The following RCAN2 variants were observed in gnomAD, a reference collection of about 807,000 sequenced individuals.
RCAN2 encodes the protein regulator of calcineurin 2.
In RCAN2, 9 loss-of-function variants were observed where a neutral mutation model predicts 23.6. That is an observed-to-expected ratio of 0.38 (90% CI 0.23 to 0.67). The LOEUF is 0.67. RCAN2 is among the 30% of genes least tolerant of loss of function. RCAN2 has a pLI of 0.51. For synonymous variants in RCAN2, 109 were observed against 115.7 expected (o/e 0.94, Z 0.37); for missense variants, 273 against 302.3 (o/e 0.90, Z 0.72).
intron 2 of RCAN2, among the ~76,000 whole-genome samples, chr6:46,278,097 C>T (rs1362535899): frequency 6.6e-6 from 1 of 152,096 alleles, no homozygotes; most frequent in African/African-American, 2.4e-5. Context: ...ACCTCTTGCC[C>T]ATTTCTATCC....
rs868244236 is a variant in RCAN2, at chr6:46,398,764, C to A, written c.225+57988G>T. On this transcript the variant is annotated intron_variant, in intron 2 of 4. Coordinates refer to ENST00000371374, the MANE Select transcript of RCAN2 (RefSeq NM_001251974.2). ...TGCCAAACTCGAAAGAACTTGCCCT[C>A]AGCTCTCAGTACCCAGGCCACAATG... Among the ~76,000 whole-genome samples the A allele has an allele frequency of 1.4e-4, 21 of 152,230 alleles. No homozygotes were observed. In the South Asian group the frequency reaches 3.9e-3, roughly 29 times the overall value.
At chr6:46,245,215 C>T (rs1766472324) in intron 4 of RCAN2, among the ~76,000 whole-genome samples, 1 of 152,124 alleles carries the variant, frequency 6.6e-6, no homozygotes, top group South Asian at 2.1e-4. Flanking sequence ...AAACTTATGG[C>T]CATTTTAAAG....
intron 4 of RCAN2, among the ~76,000 whole-genome samples, chr6:46,246,500 C>T (rs1335246933): frequency 6.6e-6 from 1 of 152,154 alleles, no homozygotes; most frequent in African/African-American, 2.4e-5. Context: ...AAAATATCTG[C>T]ATTGCAATCC....
chr6:46,245,242 T>G (rs1766473384), intron 4 of RCAN2, among the ~76,000 whole-genome samples: 1 of 152,186 alleles, frequency 6.6e-6, no homozygotes, highest in Non-Finnish European at 1.5e-5. Context: ...AGAAGCTGAG[T>G]GATGTGATGG....
chr6:46,418,199 G>A (rs1766766007), intron 2 of RCAN2, among the ~76,000 whole-genome samples: 1 of 152,050 alleles, frequency 6.6e-6, no homozygotes, highest in South Asian at 2.1e-4. Flanking sequence ...TAAGGTCAGA[G>A]ACAAACAACC....
At chr6:46,363,213 A>ATGTT (rs1273927885) in intron 2 of RCAN2, among the ~76,000 whole-genome samples, 4 of 152,152 alleles carry the variant, frequency 2.6e-5, no homozygotes, top group African/African-American at 9.7e-5. Flanking sequence ...ATTGAAGAAC[A>ATGTT]CTACATGTCT....
At chr6:46,490,923 G>C (rs1181825800) in intron 1 of RCAN2, among the ~76,000 whole-genome samples, 1 of 151,906 alleles carries the variant, frequency 6.6e-6, no homozygotes, top group Non-Finnish European at 1.5e-5. Context: ...CCTAGAGGGG[G>C]GTCGCGGGAG....
chr6:46,346,235 G>A (rs984936297), intron 2 of RCAN2, among the ~76,000 whole-genome samples: 1 of 152,096 alleles, frequency 6.6e-6, no homozygotes, highest in Non-Finnish European at 1.5e-5. Context: ...GTAAAGCAGT[G>A]CTCAGAGGGA....
intron 2 of RCAN2, among the ~76,000 whole-genome samples, chr6:46,439,133 T>C (rs1469859854): frequency 6.6e-6 from 1 of 152,228 alleles, no homozygotes; most frequent in Non-Finnish European, 1.5e-5. Context: ...TTCCTCACAC[T>C]ACAGAGCCCA....
At chr6:46,273,995 G>A (rs4714918) in intron 2 of RCAN2, among the ~76,000 whole-genome samples, 119,228 of 152,024 alleles carry the variant, frequency 0.78, 47,059 homozygotes, top group Non-Finnish European at 0.83. Context: ...GAAAGATGAT[G>A]AGGAGTCAGC....
At position 46,222,868 on chromosome 6, in the gene RCAN2, A is replaced by C. The variant is rs1001445934; in HGVS notation, c.*273T>G. 4 of 363,324 alleles carry C rather than the reference A, an allele frequency of 1.1e-5. No homozygotes were observed. Among genetic ancestry groups the C allele is most frequent in the Middle Eastern group, 7.7e-4 (1 of 1,298 alleles). The allele number at this position is 363,324 out of a possible 1,614,324, so 22.5% of individuals were successfully genotyped here. On this transcript the variant is annotated 3_prime_UTR_variant, in exon 5 of 5. Transcript: ENST00000371374. Reference sequence around the variant, plus strand: ...TGTCTCTGGCTTGGATCAACATGAGAGAACAAAGATATAGGCTGTGCTGAT... The same window carrying C: ...TGTCTCTGGCTTGGATCAACATGAGCGAACAAAGATATAGGCTGTGCTGAT...
intron 2 of RCAN2, among the ~76,000 whole-genome samples, chr6:46,331,262 C>T (rs1763961690): frequency 6.6e-6 from 1 of 151,986 alleles, no homozygotes; most frequent in African/African-American, 2.4e-5. Context: ...CCTCCTGCCT[C>T]AGCCTCCAGA....
chr6:46,240,327 T>G (rs1470108133), intron 4 of RCAN2, among the ~76,000 whole-genome samples: 1 of 152,240 alleles, frequency 6.6e-6, no homozygotes, highest in Non-Finnish European at 1.5e-5. Context: ...ATATGTCTTC[T>G]GTTTTTCTAC....
intron 2 of RCAN2, among the ~76,000 whole-genome samples, chr6:46,260,069 T>C (rs752161100): frequency 5.3e-5 from 8 of 152,120 alleles, no homozygotes; most frequent in Non-Finnish European, 1.2e-4. Flanking sequence ...GATCACATCA[T>C]TGCCAATTGG....
chr6:46,233,685 T>G (rs1765981196), intron 4 of RCAN2, among the ~76,000 whole-genome samples: 1 of 151,764 alleles, frequency 6.6e-6, no homozygotes, highest in South Asian at 2.1e-4. Context: ...GGCCTTTGAT[T>G]AAACCTTTTT....
In RCAN2 at chr6:46,360,308, G is replaced by A. The variant is rs1047397304; in HGVS notation, c.225+96444C>T. On this transcript the variant is annotated intron_variant, in intron 2 of 4. Transcript: ENST00000371374. ...AGCACTTTGGGAGGCCGAGGTGGGC[G>A]GATCATGAGGTCAGGAGGTGGAGAC... 5.3e-5 allele frequency among the ~76,000 whole-genome samples: 8 copies of A among 151,784 alleles called. 1 individual carries two copies. The South Asian group carries it at 1.2e-3, about 24-fold the overall frequency.
chr6:46,455,091 T>C (rs1767979566), intron 2 of RCAN2, among the ~76,000 whole-genome samples: 6 of 152,238 alleles, frequency 3.9e-5, no homozygotes, highest in Admixed American at 3.3e-4. Flanking sequence ...TGCTTTATAG[T>C]TTATGGCAGG....
At chr6:46,283,414 G>A (rs938923292) in intron 2 of RCAN2, among the ~76,000 whole-genome samples, 1 of 152,106 alleles carries the variant, frequency 6.6e-6, no homozygotes, top group African/African-American at 2.4e-5. Context: ...CTATACTCTA[G>A]CCTGGGCAGC....
rs558208965 is a variant in RCAN2 at position 46,271,398 on chromosome 6, G to C, written c.226-22502C>G. 3.7e-4 allele frequency among the ~76,000 whole-genome samples: 56 copies of C among 152,280 alleles called. No individual in the cohort carries two copies. The South Asian group carries it at 7.1e-3, about 19-fold the overall frequency. On this transcript the variant is annotated intron_variant, in intron 2 of 4. Coordinates refer to ENST00000371374, the MANE Select transcript of RCAN2 (RefSeq NM_001251974.2). ...GATGAAGCCCACACACGCTATGAAG[G>C]TTAAACTGCTTTACTCAGAGCCCAC...
Sources: allele counts gnomAD v4.1 joint callset (sites outside exome capture counted in the v4.1 genomes callset), GRCh38; gene constraint gnomAD v4.1.1; transcripts MANE v1.5; gene names NCBI Gene and HGNC (gene_info 2026-07-23, HGNC 2026-07-21).